Variants in PAX7 observed in about 807,000 individuals in gnomAD.
The protein encoded by PAX7 is paired box protein Pax-7.
Under a neutral mutation model 50.7 loss-of-function variants are expected in PAX7, and 18 were observed. The ratio of observed to expected loss-of-function variants is 0.36; its 90% CI spans 0.25 to 0.53. The LOEUF (loss-of-function observed/expected upper bound fraction) is 0.53, where lower values mean the gene tolerates loss of function less well. Among genes scored for constraint, PAX7 ranks in the 20% least tolerant of loss-of-function variants. PAX7 has a pLI of 0.93. For synonymous variants in PAX7, 310 were observed against 290.4 expected, an observed-to-expected ratio of 1.07 and a Z score of -0.69; for missense variants, 644 against 702.9, an observed-to-expected ratio of 0.92 and a Z score of 0.95.
chr1:18,744,872 C>T lies in PAX7; in HGVS notation c.1461C>T (p.Leu487=), dbSNP rs748193866. 6.4e-6 allele frequency: 10 copies of T among 1,558,670 alleles called. No individual in the cohort carries two copies. Among genetic ancestry groups the T allele is most frequent in the East Asian group, 2.4e-5 (1 of 41,502 alleles). ...TCTCCACCCAGCGTCGCATGAAGCT[C>T]GGGGAGCACTCTGCTGTGCTGGGAC... is the stretch of plus-strand genomic sequence containing the variant. ...VSLSTQRRMK[L]GEHSAVLGLL... The change falls in exon 9 of 9, where the codon CTC becomes CTT. Residue 487 remains leucine (L), a synonymous_variant. Coordinates refer to ENST00000420770, the MANE Select transcript of PAX7 (RefSeq NM_001135254.2).
intron 4 of PAX7, among the ~76,000 whole-genome samples, chr1:18,650,389 C>T (rs2088412800): frequency 6.6e-6 from 1 of 152,230 alleles, no homozygotes; most frequent in Non-Finnish European, 1.5e-5. Context: ...AGCAGTTACA[C>T]ACTCTGTGCT....
chr1:18,725,754 T>A (rs1317182582), intron 7 of PAX7, among the ~76,000 whole-genome samples: 3 of 152,134 alleles, frequency 2.0e-5, no homozygotes, highest in Admixed American at 1.3e-4. Context: ...CCACCATTTA[T>A]CGAGCCATCA....
Position 18,726,662 on chromosome 1 carries a change from C to T in PAX7, c.1156-8970C>T, listed in dbSNP as rs924362437. Among the ~76,000 whole-genome samples, 4 of 152,238 alleles carry T rather than the reference C, an allele frequency of 2.6e-5. No individual in the cohort carries two copies. Among genetic ancestry groups the T allele is most frequent in the Admixed American group, 6.5e-5 (1 of 15,286 alleles). On this transcript the variant is annotated intron_variant, in intron 7 of 8. Coordinates refer to ENST00000420770, the MANE Select transcript of PAX7 (RefSeq NM_001135254.2). This position sits in a 1 kb window ranked among gnomAD's most constrained non-coding sequence, Gnocchi z 4.8. The stretch of plus-strand genomic sequence containing the variant: ...GGGTAAGGCTTGAACACAGGGACCT[C>T]ACAGCCTCTTTTGGCTGCACCTCCC...
intron 4 of PAX7, among the ~76,000 whole-genome samples, chr1:18,641,796 C>A (rs2088259916): frequency 6.6e-6 from 1 of 152,168 alleles, no homozygotes. Context: ...ATATTAATAA[C>A]ACATTTTCCT....
intron 4 of PAX7, among the ~76,000 whole-genome samples, chr1:18,686,777 C>G (rs370596950): frequency 1.3e-5 from 2 of 152,116 alleles, no homozygotes; most frequent in African/African-American, 4.8e-5. Flanking sequence ...CTCCCCGCCC[C>G]GTTTCCTTTT....
intron 4 of PAX7, among the ~76,000 whole-genome samples, chr1:18,680,054 G>A (rs1318034663): frequency 6.6e-6 from 1 of 152,168 alleles, no homozygotes; most frequent in Admixed American, 6.5e-5. Context: ...ACTCTGTGGG[G>A]TTGGTACTAT....
intron 7 of PAX7, among the ~76,000 whole-genome samples, chr1:18,707,374 C>G (rs1328741747): frequency 6.6e-6 from 1 of 150,608 alleles, no homozygotes; most frequent in Non-Finnish European, 1.5e-5. Flanking sequence ...GTCTTTAGAG[C>G]CTGAAATCTT....
intron 4 of PAX7, among the ~76,000 whole-genome samples, chr1:18,660,273 G>A (rs1282021321): frequency 1.3e-5 from 2 of 152,148 alleles, no homozygotes; most frequent in Admixed American, 6.5e-5. Flanking sequence ...ACCTGTGGAA[G>A]ACAGGTGACA....
chr1:18,746,156 TC>T lies in PAX7; in HGVS notation c.*1233del. The T allele has an allele frequency of 4.3e-6, 1 of 231,754 alleles. No individual in the cohort carries two copies. Among genetic ancestry groups the T allele is most frequent in the Non-Finnish European group, 8.5e-6 (1 of 117,196 alleles). The allele number at this position is 231,754 out of a possible 1,614,324, so 14.4% of individuals were successfully genotyped here. A position where few individuals can be genotyped will look rare whatever the true frequency, so the allele number is the denominator to read the frequency against. ...ATGGTTTGCCCCACAGACAAGATGA[TC>T]CCCCCTGGCATGTTGTTAGGGGCAA... On this transcript the variant is annotated 3_prime_UTR_variant, in exon 9 of 9. Transcript: ENST00000420770.
At chr1:18,642,292 C>A (rs1441515804) in intron 4 of PAX7, among the ~76,000 whole-genome samples, 1 of 152,044 alleles carries the variant, frequency 6.6e-6, no homozygotes, top group African/African-American at 2.4e-5. Flanking sequence ...GAGGCAAGAG[C>A]ACCTAAGGAT....
At chr1:18,646,010 G>A (rs1163788195) in intron 4 of PAX7, among the ~76,000 whole-genome samples, 5 of 152,184 alleles carry the variant, frequency 3.3e-5, no homozygotes, top group Non-Finnish European at 2.9e-5. Flanking sequence ...CCTTCCGAGG[G>A]TCTAAAAATA....
intron 7 of PAX7, among the ~76,000 whole-genome samples, chr1:18,731,643 C>G (rs942437221): frequency 6.6e-6 from 1 of 152,112 alleles, no homozygotes; most frequent in African/African-American, 2.4e-5. Context: ...TTAGCTTAGA[C>G]GCTGCCCTGC....
chr1:18,694,392 G>A (rs1287198901), intron 5 of PAX7, among the ~76,000 whole-genome samples: 4 of 151,946 alleles, frequency 2.6e-5, no homozygotes, highest in Non-Finnish European at 4.4e-5. Flanking sequence ...TCGGTAGGTG[G>A]AGGTTGCAGT....
chr1:18,703,445 A>C, intron 7 of PAX7, 149 bp downstream of exon 7: 2 of 708,212 alleles, frequency 2.8e-6, no homozygotes, highest in Non-Finnish European at 4.8e-6. Flanking sequence ...TCCTCCCTGG[A>C]CTCTGTCCTG....
chr1:18,716,595 C>G (rs1191536532), intron 7 of PAX7, among the ~76,000 whole-genome samples: 3 of 151,818 alleles, frequency 2.0e-5, no homozygotes, highest in Admixed American at 6.6e-5. Context: ...TCCCTTCGCC[C>G]CCTGTGCCAC....
At chr1:18,723,279 T>C (rs1022142248) in intron 7 of PAX7, among the ~76,000 whole-genome samples, 4 of 151,854 alleles carry the variant, frequency 2.6e-5, no homozygotes, top group Non-Finnish European at 5.9e-5. Context: ...TAGAGTTTAA[T>C]GTATTCTCTT....
chr1:18,688,981 C>G (rs760013392), intron 4 of PAX7, among the ~76,000 whole-genome samples: 4 of 152,192 alleles, frequency 2.6e-5, no homozygotes, highest in Non-Finnish European at 5.9e-5. Context: ...TGTGCCTCCT[C>G]CATCAGACTG....
chr1:18,728,156 G>A (rs778288928), intron 7 of PAX7, among the ~76,000 whole-genome samples: 7 of 152,114 alleles, frequency 4.6e-5, no homozygotes, highest in Non-Finnish European at 8.8e-5. Context: ...GGTGAAGGGC[G>A]CACAGGTTTG....
Position 18,748,122 on chromosome 1 carries a change from A to G in PAX7, c.*3193A>G, listed in dbSNP as rs1931522606. On this transcript the variant is annotated 3_prime_UTR_variant, in exon 9 of 9. Transcript: ENST00000420770. ...AAACAGAGAACTAGGGGGATAAGAG[A>G]GAAGAAAAGAAGAATGGAGAGAGAG... is the stretch of plus-strand genomic sequence containing the variant. 1 of 217,520 alleles carries G rather than the reference A, an allele frequency of 4.6e-6. No homozygotes were observed. Among genetic ancestry groups the G allele is most frequent in the African/African-American group, 2.2e-5 (1 of 44,520 alleles). 13.5% of individuals were successfully genotyped at this position (217,520 alleles called of 1,614,324 possible). A position where few individuals can be genotyped will look rare whatever the true frequency, so the allele number is the denominator to read the frequency against.
Sources: gnomAD v4.1 joint callset for allele counts (sites outside exome capture counted in the v4.1 genomes callset) on GRCh38, gnomAD v4.1.1 for gene constraint, Gnocchi (gnomAD v3.1) non-coding constraint, MANE v1.5 for transcripts, NCBI Gene and HGNC (gene_info 2026-07-23, HGNC 2026-07-21) for gene names.